XKR9: variants seen among roughly 807,000 people sequenced by gnomAD.
XKR9 encodes the protein XK related 9.
XKR9 carries 32 observed loss-of-function variants against 32.0 expected under a neutral mutation model. That is an observed-to-expected ratio of 1.00 (90% CI 0.76 to 1.34). The LOEUF is 1.34. Among genes scored for constraint, XKR9 ranks in the 40% most tolerant of loss-of-function variants. XKR9 has a pLI of 0.00. For synonymous variants in XKR9, 168 were observed against 143.4 expected (o/e 1.17, Z -1.22); for missense variants, 546 against 429.7 (o/e 1.27, Z -2.39).
At chr8:70,866,746 A>G in the XKR9 span, among the ~76,000 whole-genome samples, 1 of 151,774 alleles carries the variant, frequency 6.6e-6, no homozygotes, top group African/African-American at 2.4e-5. Flanking sequence ...TGGCCTCCCA[A>G]AGTGCTGGGA....
chr8:70,740,427 C>G (rs576533792), downstream of XKR9, among the ~76,000 whole-genome samples: 3 of 152,120 alleles, frequency 2.0e-5, no homozygotes, highest in Non-Finnish European at 2.9e-5. Flanking sequence ...CCTCCTGTAG[C>G]TCGGAGTAGT....
intron 2 of XKR9, among the ~76,000 whole-genome samples, chr8:70,788,403 A>G (rs1423066555): frequency 6.6e-6 from 1 of 152,112 alleles, no homozygotes; most frequent in Non-Finnish European, 1.5e-5. Flanking sequence ...TATGTCATAC[A>G]AGTATGGTTG....
chr8:70,857,444 G>C, the XKR9 span, among the ~76,000 whole-genome samples: 1 of 152,154 alleles, frequency 6.6e-6, no homozygotes, highest in Non-Finnish European at 1.5e-5. Flanking sequence ...AATCTGAATA[G>C]ACCAATAGGA....
the XKR9 span, among the ~76,000 whole-genome samples, chr8:70,892,441 CT>C: frequency 6.6e-6 from 1 of 151,782 alleles, no homozygotes; most frequent in Non-Finnish European, 1.5e-5. Flanking sequence ...GAGTTTTTTA[CT>C]TTTGCATGTT....
chr8:70,849,791 C>A, the XKR9 span, among the ~76,000 whole-genome samples: 1 of 152,066 alleles, frequency 6.6e-6, no homozygotes, highest in Non-Finnish European at 1.5e-5. Context: ...GGGGATATCA[C>A]CACTAATCCC....
At chr8:70,820,892 C>G in the XKR9 span, among the ~76,000 whole-genome samples, 1 of 152,064 alleles carries the variant, frequency 6.6e-6, no homozygotes, top group South Asian at 2.1e-4. Flanking sequence ...GGACACAAAG[C>G]CTAACCACAT....
the XKR9 span, among the ~76,000 whole-genome samples, chr8:71,011,815 C>G: frequency 2.0e-5 from 3 of 152,142 alleles, no homozygotes; most frequent in African/African-American, 7.2e-5. Flanking sequence ...ATGAAAACAT[C>G]CGGTATTAAT....
the XKR9 span, among the ~76,000 whole-genome samples, chr8:70,815,680 C>T: frequency 2.0e-5 from 3 of 152,050 alleles, no homozygotes; most frequent in African/African-American, 7.2e-5. Flanking sequence ...CGCCCGCCAC[C>T]ATGCCCAGCT....
chr8:70,819,296 G>C, the XKR9 span, among the ~76,000 whole-genome samples: 1 of 152,164 alleles, frequency 6.6e-6, no homozygotes, highest in Non-Finnish European at 1.5e-5. Context: ...TGACACTCCT[G>C]TTTCTCTACT....
the XKR9 span, among the ~76,000 whole-genome samples, chr8:70,813,842 G>A: frequency 6.6e-6 from 1 of 152,204 alleles, no homozygotes; most frequent in Non-Finnish European, 1.5e-5. Context: ...TACACTGTTG[G>A]TGGGTTTGTA....
At chr8:70,957,160 A>G in the XKR9 span, among the ~76,000 whole-genome samples, 1 of 152,204 alleles carries the variant, frequency 6.6e-6, no homozygotes, top group Non-Finnish European at 1.5e-5. Flanking sequence ...CTAGAATCAG[A>G]TTTATTTTTT....
chr8:70,864,380 A>T, the XKR9 span, among the ~76,000 whole-genome samples: 1 of 152,206 alleles, frequency 6.6e-6, no homozygotes, highest in Admixed American at 6.5e-5. Flanking sequence ...ATAATTGATT[A>T]TCCATGTATG....
chr8:70,978,672 G>T, the XKR9 span, among the ~76,000 whole-genome samples: 2 of 152,070 alleles, frequency 1.3e-5, no homozygotes, highest in East Asian at 3.9e-4. Context: ...TTAACATTTT[G>T]TCCTTCATTT....
chr8:70,685,399 G>T (rs1257161398), intron 3 of XKR9, among the ~76,000 whole-genome samples: 1 of 145,604 alleles, frequency 6.9e-6, no homozygotes, highest in East Asian at 2.1e-4. Context: ...AATGCTAAAT[G>T]ACGAGTTAAT....
intron 4 of XKR9, among the ~76,000 whole-genome samples, chr8:70,726,987 T>G (rs1235635980): frequency 6.7e-6 from 1 of 148,584 alleles, no homozygotes; most frequent in Non-Finnish European, 1.5e-5. Flanking sequence ...TTTTGTTTCC[T>G]TAAAAAAATC....
chr8:70,862,357 G>A, the XKR9 span, among the ~76,000 whole-genome samples: 1 of 151,992 alleles, frequency 6.6e-6, no homozygotes, highest in African/African-American at 2.4e-5. Context: ...GAGCAACTAA[G>A]GTTAGTGTTT....
chr8:70,669,733 C>T (rs1484856853), intron 1 of XKR9, among the ~76,000 whole-genome samples, 195 bp downstream of exon 1: 12 of 143,572 alleles, frequency 8.4e-5, no homozygotes, highest in African/African-American at 3.1e-4. Flanking sequence ...GTGGCGCGAT[C>T]TCGGCTCACT....
the XKR9 span, among the ~76,000 whole-genome samples, chr8:71,019,237 TG>T: frequency 2.0e-5 from 3 of 152,144 alleles, no homozygotes; most frequent in East Asian, 5.8e-4. Context: ...TTAAGAAACT[TG>T]AGGTCTGTAG....
chr8:70,962,743 C>G, the XKR9 span, among the ~76,000 whole-genome samples: 22 of 152,174 alleles, frequency 1.4e-4, no homozygotes, highest in Non-Finnish European at 2.4e-4. Context: ...GGTAAAGTCA[C>G]ACACAGTGAT....
Sources: allele counts gnomAD v4.1 joint callset (sites outside exome capture counted in the v4.1 genomes callset), GRCh38; gene constraint gnomAD v4.1.1; transcripts MANE v1.5; gene names NCBI Gene and HGNC (gene_info 2026-07-23, HGNC 2026-07-21).